Variants in KDM4D observed in about 807,000 individuals in gnomAD.
The protein encoded by KDM4D is lysine demethylase 4D.
For missense variants in KDM4D, 427 were observed against 674.8 expected, an observed-to-expected ratio of 0.63 and a Z score of 4.07; for synonymous variants, 254 against 249.1, an observed-to-expected ratio of 1.02 and a Z score of -0.19.
At chr11:94,988,911 T>C (rs1195703952) in intron 2 of KDM4D, among the ~76,000 whole-genome samples, 1 of 152,132 alleles carries the variant, frequency 6.6e-6, no homozygotes, top group Non-Finnish European at 1.5e-5. Context: ...TTACAATGAC[T>C]AGAAACCTCA....
intron 2 of KDM4D, among the ~76,000 whole-genome samples, chr11:94,993,857 A>G (rs1408575115): frequency 6.6e-6 from 1 of 152,032 alleles, no homozygotes; most frequent in African/African-American, 2.4e-5. Context: ...CTTTAGAGCA[A>G]GTTTTCTAAT....
intron 1 of KDM4D, among the ~76,000 whole-genome samples, 151 bp from the exon 2 acceptor site, chr11:94,975,503 T>C (rs868989853): frequency 6.6e-6 from 1 of 152,188 alleles, no homozygotes; most frequent in African/African-American, 2.4e-5. Context: ...TTCTAGTCCC[T>C]AACTTGTAAT....
Position 94,999,007 on chromosome 11 carries a change from AT to A in KDM4D, c.*66del, listed in dbSNP as rs1438704677. ...GTGACAGTTTGATGAAACTGGTTACATTTACATCCCAAAACTTTGGTTGAGT... is the reference window on the plus strand; with the variant it reads ...GTGACAGTTTGATGAAACTGGTTACATTACATCCCAAAACTTTGGTTGAGT... On this transcript the variant is annotated 3_prime_UTR_variant, in exon 3 of 3. Transcript: ENST00000335080. The A allele has an allele frequency of 3.5e-6, 5 of 1,435,954 alleles. No individual in the cohort carries two copies. The highest frequency in any genetic ancestry group is 4.6e-6 in the Non-Finnish European group (5 of 1,088,704). The allele number at this position is 1,435,954 out of a possible 1,614,324, so 89.0% of individuals were successfully genotyped here.
intron 2 of KDM4D, among the ~76,000 whole-genome samples, chr11:94,995,473 A>G (rs1555099112): frequency 6.6e-6 from 1 of 152,214 alleles, no homozygotes; most frequent in Admixed American, 6.5e-5. Flanking sequence ...CAGTAAAGGA[A>G]GATGAACAGT....
In KDM4D at chr11:94,978,741, C is replaced by A. The variant is rs890504952; in HGVS notation, c.-350+2993C>A. Among the ~76,000 whole-genome samples, 5 of 152,286 alleles carry A rather than the reference C, an allele frequency of 3.3e-5. No individual in the cohort carries two copies. In the East Asian group the frequency reaches 5.8e-4, roughly 18 times the overall value. On this transcript the variant is annotated intron_variant, in intron 2 of 2. Coordinates refer to ENST00000335080, the MANE Select transcript of KDM4D (RefSeq NM_018039.3). The stretch of plus-strand genomic sequence containing the variant: ...TGTAGAAAATAGAGATAGAAAAAGA[C>A]ATGCCAGGCAAATTCTAATTTAAAA...
chr11:94,987,859 G>T lies in KDM4D; in HGVS notation c.-349-9165G>T, dbSNP rs1857901280. Among the ~76,000 whole-genome samples, 3 of 152,158 alleles carry T rather than the reference G, an allele frequency of 2.0e-5. No homozygotes were observed. In the South Asian group the frequency reaches 6.2e-4, roughly 32 times the overall value. On this transcript the variant is annotated intron_variant, in intron 2 of 2. Transcript: ENST00000335080. ...TCCTGGAAATTAAAAATAATTGCCA[G>T]AAGGTTTGGAAAATAGTAACAAAAG...
In KDM4D at chr11:94,999,024, T is replaced by G; in HGVS notation, c.*80T>G. ...CTGGTTACATTTACATCCCAAAACT[T>G]TGGTTGAGTTTGCAGGACTCTAGGC... On this transcript the variant is annotated 3_prime_UTR_variant, in exon 3 of 3. Coordinates refer to ENST00000335080, the MANE Select transcript of KDM4D (RefSeq NM_018039.3). 11 of 1,376,716 alleles carry G rather than the reference T, an allele frequency of 8.0e-6. No individual in the cohort carries two copies. The highest frequency in any genetic ancestry group is 1.0e-5 in the Non-Finnish European group (11 of 1,048,142). 85.3% of individuals were successfully genotyped at this position (1,376,716 alleles called of 1,614,324 possible). A position where few individuals can be genotyped will look rare whatever the true frequency, so the allele number is the denominator to read the frequency against.
rs369049308 is a variant in KDM4D, at chr11:94,979,107, T to G, written c.-350+3359T>G. 9.5e-4 allele frequency among the ~76,000 whole-genome samples: 145 copies of G among 152,334 alleles called. 1 individual carries two copies. The Middle Eastern group carries it at 0.017, about 18-fold the overall frequency. ...GTATTTCTATGTGCATGTAAAAAGT[T>G]CACTGTAATCAGAGCAGAATATATA... On this transcript the variant is annotated intron_variant, in intron 2 of 2. Transcript: ENST00000335080.
At chr11:94,988,289 T>G (rs1555098303) in intron 2 of KDM4D, among the ~76,000 whole-genome samples, 2 of 152,248 alleles carry the variant, frequency 1.3e-5, no homozygotes, top group Non-Finnish European at 2.9e-5. Context: ...AAAGACATTT[T>G]CAGACTCAGA....
intron 2 of KDM4D, among the ~76,000 whole-genome samples, chr11:94,989,755 T>TTGTC (rs1555098455): frequency 6.8e-6 from 1 of 146,660 alleles, no homozygotes; most frequent in African/African-American, 2.5e-5. Context: ...TCTCTTTCTT[T>TTGTC]TTTTTTTTTT....
chr11:94,974,632 A>G (rs999606724), intron 1 of KDM4D, among the ~76,000 whole-genome samples: 5 of 152,214 alleles, frequency 3.3e-5, no homozygotes, highest in African/African-American at 1.2e-4. Flanking sequence ...CTCCAGTCTT[A>G]ACAAGTCTCA....
intron 2 of KDM4D, among the ~76,000 whole-genome samples, chr11:94,991,802 TAAAAA>T (rs782085338): frequency 7.3e-6 from 1 of 137,568 alleles, no homozygotes; most frequent in Non-Finnish European, 1.6e-5. Context: ...AAGAAAGAAC[TAAAAA>T]AAAAAAAATC....
chr11:94,984,305 G>A (rs587685121), intron 2 of KDM4D, among the ~76,000 whole-genome samples: 36 of 151,542 alleles, frequency 2.4e-4, no homozygotes, highest in African/African-American at 8.5e-4. Context: ...GACCAGCCTG[G>A]GCAACATGGC....
intron 2 of KDM4D, among the ~76,000 whole-genome samples, chr11:94,977,596 C>T (rs1336378666): frequency 6.6e-6 from 1 of 152,186 alleles, no homozygotes; most frequent in Non-Finnish European, 1.5e-5. Context: ...ACTGTTCTCC[C>T]TCTCTGTCCC....
chr11:94,994,374 G>C (rs1857959771), intron 2 of KDM4D, among the ~76,000 whole-genome samples: 1 of 152,138 alleles, frequency 6.6e-6, no homozygotes, highest in Non-Finnish European at 1.5e-5. Flanking sequence ...TTAGGAGAGA[G>C]TCAGTTATTG....
chr11:94,977,053 C>T (rs1422656144), intron 2 of KDM4D, among the ~76,000 whole-genome samples: 3 of 102,654 alleles, frequency 2.9e-5, no homozygotes, highest in African/African-American at 1.0e-4. Context: ...GCTAGTGATA[C>T]ACATAATATA....
At position 94,986,436 on chromosome 11, in the gene KDM4D, A is replaced by T. The variant is rs587597329; in HGVS notation, c.-349-10588A>T. Among the ~76,000 whole-genome samples, 85 of 149,568 alleles carry T rather than the reference A, an allele frequency of 5.7e-4. 1 individual carries two copies. The highest frequency in any genetic ancestry group is 1.5e-3 in the African/African-American group (59 of 40,272). Reference sequence around the variant, plus strand: ...GAGACCCTGTCTCTACCAAAAATTTAAAAAAAAAATTAGCCAGGCATGGTG... The same window carrying T: ...GAGACCCTGTCTCTACCAAAAATTTTAAAAAAAAATTAGCCAGGCATGGTG... On this transcript the variant is annotated intron_variant, in intron 2 of 2. Coordinates refer to ENST00000335080, the MANE Select transcript of KDM4D (RefSeq NM_018039.3).
chr11:94,979,541 T>C (rs2134109008), intron 2 of KDM4D, among the ~76,000 whole-genome samples: 1 of 152,334 alleles, frequency 6.6e-6, no homozygotes, highest in South Asian at 2.1e-4. Flanking sequence ...AATGTGTGCA[T>C]TTCTAAATGA....
chr11:94,989,426 A>G (rs1334251694), intron 2 of KDM4D, among the ~76,000 whole-genome samples: 1 of 152,204 alleles, frequency 6.6e-6, no homozygotes, highest in Non-Finnish European at 1.5e-5. Context: ...TACCACTGTT[A>G]CTGCTGCAGT....
Sources: allele counts gnomAD v4.1 joint callset (sites outside exome capture counted in the v4.1 genomes callset), GRCh38; gene constraint gnomAD v4.1.1; transcripts MANE v1.5; gene names NCBI Gene and HGNC (gene_info 2026-07-23, HGNC 2026-07-21).